The following DGCR8 variants were observed in gnomAD, a reference collection of about 807,000 sequenced individuals.
DGCR8 encodes the protein microprocessor complex subunit DGCR8.
Under a neutral mutation model 78.5 loss-of-function variants are expected in DGCR8, and 14 were observed. The ratio of observed to expected loss-of-function variants is 0.18; its 90% CI spans 0.12 to 0.28. The LOEUF is 0.28. Among genes scored for constraint, DGCR8 ranks in the 10% least tolerant of loss-of-function variants. The pLI, the probability that DGCR8 is intolerant of heterozygous loss-of-function variation, is 1.00. For synonymous variants in DGCR8, 399 were observed against 402.4 expected (o/e 0.99, Z 0.10); for missense variants, 702 against 1,022.5 (o/e 0.69, Z 4.28).
chr22:20,097,096 A>T (rs761115258), intron 9 of DGCR8, among the ~76,000 whole-genome samples: 1 of 151,996 alleles, frequency 6.6e-6, no homozygotes, highest in Non-Finnish European at 1.5e-5. Flanking sequence ...GGATTTTTGC[A>T]TTTGTAGTTA....
rs1215657582 is a variant in DGCR8 at position 20,107,679 on chromosome 22, G to T, written c.2124+281G>T. On this transcript the variant is annotated intron_variant, in intron 12 of 13. Transcript: ENST00000351989. The stretch of plus-strand genomic sequence containing the variant: ...AGGGAGATGGCCAAAGTGCAAGGCA[G>T]GGCCAGGCAGGAGATGCTGAAGGTG... The T allele has an allele frequency of 1.1e-5, 5 of 445,708 alleles. No individual in the cohort carries two copies. The East Asian group carries it at 1.2e-4, about 11-fold the overall frequency. The allele number at this position is 445,708 out of a possible 1,614,324, so 27.6% of individuals were successfully genotyped here.
chr22:20,101,706 C>G lies in DGCR8; in HGVS notation c.1789-4471C>G. On this transcript the variant is annotated intron_variant, in intron 9 of 13. Coordinates refer to ENST00000351989, the MANE Select transcript of DGCR8 (RefSeq NM_022720.7). ...AGACAGGGGTGGCCATCTCCTGTTC[C>G]TGGGAAGTTTCTATTTGCTGGTCCT... 3.0e-6 allele frequency: 3 copies of G among 985,364 alleles called. No homozygotes were observed. The South Asian group carries it at 1.4e-4, about 46-fold the overall frequency. 61.0% of individuals were successfully genotyped at this position (985,364 alleles called of 1,614,324 possible). A position where few individuals can be genotyped will look rare whatever the true frequency, so the allele number is the denominator to read the frequency against.
intron 9 of DGCR8, among the ~76,000 whole-genome samples, chr22:20,099,987 G>A (rs2049676251): frequency 6.6e-6 from 1 of 152,098 alleles, no homozygotes; most frequent in Non-Finnish European, 1.5e-5. Context: ...CTGCTTCATC[G>A]TGGACAGGCT....
chr22:20,085,639 T>C lies in DGCR8; in HGVS notation c.-277-48T>C. On this transcript the variant is annotated intron_variant, in intron 1 of 13. Coordinates refer to ENST00000351989, the MANE Select transcript of DGCR8 (RefSeq NM_022720.7). This position sits in a 1 kb window ranked among gnomAD's most constrained non-coding sequence, Gnocchi z 6.2. ...GGCTTTTAACTTGGTACCAGGGAAT[T>C]GGAAGGTTTCTGTCATTTTGTGACG... 1 of 1,273,624 alleles carries C rather than the reference T, an allele frequency of 7.9e-7. No individual in the cohort carries two copies. The highest frequency in any genetic ancestry group is 9.9e-7 in the Non-Finnish European group (1 of 1,012,060). 78.9% of individuals were successfully genotyped at this position (1,273,624 alleles called of 1,614,324 possible).
Position 20,090,017 on chromosome 22 carries a change from T to C in DGCR8, c.1065T>C (p.Tyr355=), listed in dbSNP as rs774008463. 2 of 1,613,974 alleles carry C rather than the reference T, an allele frequency of 1.2e-6. No homozygotes were observed. The highest frequency in any genetic ancestry group is 1.7e-6 in the Non-Finnish European group (2 of 1,179,964). The part of the protein sequence containing the change: ...PPLSSIPCLH[Y]KKMKDNEERE... ...TGAGTAGCATCCCTTGTCTGCATTA[T>C]AAGAAAATGAAGGACAACGAGGAAC... Residue 355 remains tyrosine (Y), a synonymous_variant, in exon 5 of 14, where the codon TAT becomes TAC. Coordinates refer to ENST00000351989, the MANE Select transcript of DGCR8 (RefSeq NM_022720.7).
chr22:20,088,441 A>G (rs2049515017), intron 3 of DGCR8, among the ~76,000 whole-genome samples: 3 of 151,870 alleles, frequency 2.0e-5, no homozygotes, highest in South Asian at 4.2e-4. Context: ...GCTGCATGTG[A>G]CCCCCACCTC....
intron 1 of DGCR8, among the ~76,000 whole-genome samples, chr22:20,084,181 G>A (rs1196470326): frequency 6.6e-6 from 1 of 152,216 alleles, no homozygotes; most frequent in East Asian, 1.9e-4. Flanking sequence ...TGGTTTTCAT[G>A]TTGTGTCCCC....
chr22:20,111,469 T>TA lies in DGCR8; in HGVS notation c.*1367dup, dbSNP rs1016891716. On this transcript the variant is annotated 3_prime_UTR_variant, in exon 14 of 14. Coordinates refer to ENST00000351989, the MANE Select transcript of DGCR8 (RefSeq NM_022720.7). ...ACCAAGGTTGGCTTCTGTTGACCTT[T>TA]AAAAAAGAAACCCTCAACTCAAATT... 7.5e-6 allele frequency: 3 copies of TA among 398,296 alleles called. No individual in the cohort carries two copies. The highest frequency in any genetic ancestry group is 1.3e-5 in the Non-Finnish European group (3 of 225,996). The allele number at this position is 398,296 out of a possible 1,614,324, so 24.7% of individuals were successfully genotyped here. A position where few individuals can be genotyped will look rare whatever the true frequency, so the allele number is the denominator to read the frequency against.
chr22:20,105,319 C>G (rs796989857), intron 9 of DGCR8, among the ~76,000 whole-genome samples: 2 of 152,348 alleles, frequency 1.3e-5, no homozygotes, highest in African/African-American at 4.8e-5. Flanking sequence ...CTGCTGAGGC[C>G]TTGATTTCAG....
In DGCR8 at chr22:20,108,815, A is replaced by G. The variant is rs2049801075; in HGVS notation, c.2125-75A>G. 1.2e-5 allele frequency: 5 copies of G among 401,362 alleles called. No individual in the cohort carries two copies. The Middle Eastern group carries it at 1.7e-3, about 140-fold the overall frequency. The allele number at this position is 401,362 out of a possible 1,614,324, so 24.9% of individuals were successfully genotyped here. A position where few individuals can be genotyped will look rare whatever the true frequency, so the allele number is the denominator to read the frequency against. ...CGCGCCTGCCTTCAGGGTCCCAGGC[A>G]CACAGCTGCTGGGCAGCGGGCAGGC... On this transcript the variant is annotated intron_variant, in intron 12 of 13. Coordinates refer to ENST00000351989, the MANE Select transcript of DGCR8 (RefSeq NM_022720.7).
chr22:20,082,087 C>A (rs528810527), intron 1 of DGCR8, among the ~76,000 whole-genome samples: 2 of 148,210 alleles, frequency 1.3e-5, no homozygotes, highest in African/African-American at 5.0e-5. Context: ...GACAGAATCT[C>A]GCTCTGTCGC....
intron 8 of DGCR8, among the ~76,000 whole-genome samples, chr22:20,093,321 C>T (rs982936388): frequency 1.3e-4 from 20 of 152,070 alleles, no homozygotes; most frequent in African/African-American, 4.3e-4. Flanking sequence ...AGGAGAATGG[C>T]GTGAACAAGC....
chr22:20,107,519 C>T lies in DGCR8; in HGVS notation c.2124+121C>T. On this transcript the variant is annotated intron_variant, in intron 12 of 13. Coordinates refer to ENST00000351989, the MANE Select transcript of DGCR8 (RefSeq NM_022720.7). ...TCTGCTGTTGCTCACAGCTGCCTCT[C>T]TCCTGGGCCACTTGTGTGGCTTTGT... The T allele has an allele frequency of 4.8e-6, 6 of 1,260,580 alleles. No individual in the cohort carries two copies. In the South Asian group the frequency reaches 6.7e-5, roughly 14 times the overall value. The allele number at this position is 1,260,580 out of a possible 1,614,324, so 78.1% of individuals were successfully genotyped here. A position where few individuals can be genotyped will look rare whatever the true frequency, so the allele number is the denominator to read the frequency against.
chr22:20,100,840 A>C, intron 9 of DGCR8: 1 of 984,414 alleles, frequency 1.0e-6, no homozygotes, highest in Non-Finnish European at 1.2e-6. Context: ...GCCTGTCTGG[A>C]GCTAGCGTCA....
chr22:20,091,806 G>C, intron 6 of DGCR8, 63 bp from the exon 7 acceptor site: 2 of 1,529,168 alleles, frequency 1.3e-6, no homozygotes, highest in Non-Finnish European at 1.8e-6. Flanking sequence ...CATGGTAACA[G>C]GAAGCTGTGT....
intron 9 of DGCR8, chr22:20,096,587 T>A: frequency 1.7e-6 from 1 of 579,880 alleles, no homozygotes; most frequent in Middle Eastern, 8.7e-4. Flanking sequence ...TTTTTATATA[T>A]TCAGAGTTGT....
chr22:20,086,858 T>TAA lies in DGCR8; in HGVS notation c.720+175_720+176insAA. On this transcript the variant is annotated intron_variant, in intron 2 of 13. Transcript: ENST00000351989. This position sits in a 1 kb window ranked among gnomAD's most constrained non-coding sequence, Gnocchi z 6.4. ...AGAGAAAGATGTAAGGAGTCCAGAT[T>TAA]TTTAAAGTTTCCTAATGAAAAGTTT... 2.2e-6 allele frequency: 2 copies of TAA among 900,310 alleles called. No individual in the cohort carries two copies. Among genetic ancestry groups the TAA allele is most frequent in the South Asian group, 3.7e-5 (2 of 54,410 alleles). 55.8% of individuals were successfully genotyped at this position (900,310 alleles called of 1,614,324 possible).
intron 9 of DGCR8, chr22:20,100,607 G>C (rs1004850063): frequency 3.2e-5 from 32 of 985,426 alleles, no homozygotes; most frequent in African/African-American, 5.2e-5. Flanking sequence ...GGTTTCTGGT[G>C]CCAGGAGAGG....
chr22:20,101,039 C>T (rs967987789), intron 9 of DGCR8: 15 of 334,998 alleles, frequency 4.5e-5, no homozygotes, highest in Non-Finnish European at 6.4e-5. Flanking sequence ...TTCCTCCCCT[C>T]TACTGACACA....
Sources: allele counts gnomAD v4.1 joint callset (sites outside exome capture counted in the v4.1 genomes callset), GRCh38; gene constraint gnomAD v4.1.1; non-coding constraint Gnocchi (gnomAD v3.1); transcripts MANE v1.5; gene names NCBI Gene and HGNC (gene_info 2026-07-23, HGNC 2026-07-21).